PAPPA2: variants seen among roughly 807,000 people sequenced by gnomAD.
PAPPA2 encodes the protein pappalysin 2.
PAPPA2 carries 86 observed loss-of-function variants against 176.4 expected under a neutral mutation model. That is an observed-to-expected ratio of 0.49 (90% CI 0.41 to 0.58). PAPPA2 has a LOEUF of 0.58. PAPPA2 is among the 20% of genes least tolerant of loss of function. The probability of loss-of-function intolerance (pLI) is 0.00; values close to 1 mark genes in which losing one functional copy is unlikely to be tolerated. For missense variants in PAPPA2, 2,073 were observed against 2,256.9 expected (o/e 0.92, Z 1.65); for synonymous variants, 809 against 852.2 (o/e 0.95, Z 0.88).
chr1:176,630,306 T>C (rs1023682681), intron 3 of PAPPA2, among the ~76,000 whole-genome samples: 4 of 152,236 alleles, frequency 2.6e-5, no homozygotes, highest in Admixed American at 2.0e-4. Flanking sequence ...TGTTTACATA[T>C]ATTATGTACA....
At chr1:176,509,866 A>C (rs892874041) in intron 1 of PAPPA2, among the ~76,000 whole-genome samples, 5 of 149,356 alleles carry the variant, frequency 3.3e-5, no homozygotes, top group African/African-American at 9.9e-5. Context: ...AAACAAAAAA[A>C]AACAACAAAA....
In PAPPA2 at chr1:176,562,084, C is replaced by T. The variant is rs188744334; in HGVS notation, c.919+4843C>T. Among the ~76,000 whole-genome samples, 194 of 152,286 alleles carry T rather than the reference C, an allele frequency of 1.3e-3. 3 individuals are homozygous for T. Among genetic ancestry groups the T allele is most frequent in the East Asian group, 1.5e-3 (8 of 5,184 alleles). On this transcript the variant is annotated intron_variant, in intron 2 of 22. Transcript: ENST00000367662. ...CAACATGTGGGAATTATGGGAGCTA[C>T]GACTCGAGATGAGATTTGGGTGGGG...
At chr1:176,479,460 C>A (rs1652284789) in intron 1 of PAPPA2, among the ~76,000 whole-genome samples, 1 of 152,072 alleles carries the variant, frequency 6.6e-6, no homozygotes, top group Non-Finnish European at 1.5e-5. Flanking sequence ...GCTCACCAGG[C>A]TAGCAGGCAA....
At chr1:176,756,175 G>A (rs1321815567) in intron 14 of PAPPA2, among the ~76,000 whole-genome samples, 1 of 152,070 alleles carries the variant, frequency 6.6e-6, no homozygotes, top group African/African-American at 2.4e-5. Flanking sequence ...GGCTGGTCTC[G>A]AACTCCTGAC....
chr1:176,826,020 T>C (rs1454216925), intron 21 of PAPPA2, among the ~76,000 whole-genome samples: 1 of 152,202 alleles, frequency 6.6e-6, no homozygotes, highest in Non-Finnish European at 1.5e-5. Flanking sequence ...TTATTACCAT[T>C]GCTACCATCC....
chr1:176,497,250 T>C (rs376093969), intron 1 of PAPPA2, among the ~76,000 whole-genome samples: 2 of 152,204 alleles, frequency 1.3e-5, no homozygotes, highest in East Asian at 3.9e-4. Flanking sequence ...AGAGGCAATC[T>C]GTAGACCTTC....
chr1:176,722,564 CTCT>C (rs1661676618), intron 12 of PAPPA2, among the ~76,000 whole-genome samples: 1 of 151,744 alleles, frequency 6.6e-6, no homozygotes, highest in African/African-American at 2.4e-5. Flanking sequence ...CTGCTAAAAA[CTCT>C]TCTTAGTTTT....
At chr1:176,699,679 C>T in intron 8 of PAPPA2, 90 bp downstream of exon 8, 1 of 1,492,510 alleles carries the variant, frequency 6.7e-7, no homozygotes, top group South Asian at 1.4e-5. Flanking sequence ...TCAGCCATGC[C>T]CTTAGTCGGA....
At chr1:176,582,072 C>T (rs536579927) in intron 2 of PAPPA2, among the ~76,000 whole-genome samples, 66 of 151,538 alleles carry the variant, frequency 4.4e-4, no homozygotes, top group Non-Finnish European at 7.4e-4. Flanking sequence ...TACAGGTGCC[C>T]GCCACCACGC....
rs1660700149 is a variant in PAPPA2, at chr1:176,702,601, C to G, written c.3237-6C>G. The G allele has an allele frequency of 1.2e-6, 2 of 1,613,856 alleles. No homozygotes were observed. ...GTAGTGGTCACAAACCCTTTGGTTT[C>G]CACAGGGAGGTCACACCTGGACAGA... On this transcript the variant is annotated splice_polypyrimidine_tract_variant and splice_region_variant and intron_variant, in intron 8 of 22. Coordinates refer to ENST00000367662, the MANE Select transcript of PAPPA2 (RefSeq NM_020318.3).
At chr1:176,673,697 T>C (rs1421692794) in intron 4 of PAPPA2, among the ~76,000 whole-genome samples, 1 of 152,158 alleles carries the variant, frequency 6.6e-6, no homozygotes, top group Non-Finnish European at 1.5e-5. Context: ...ACTATAAAAA[T>C]GGATAAAATA....
chr1:176,501,153 C>G (rs1647939488), intron 1 of PAPPA2, among the ~76,000 whole-genome samples: 1 of 150,888 alleles, frequency 6.6e-6, no homozygotes, highest in Non-Finnish European at 1.5e-5. Flanking sequence ...ACTGGTAAGA[C>G]TGACTCCAGA....
chr1:176,494,502 T>A (rs984790417), intron 1 of PAPPA2, among the ~76,000 whole-genome samples: 1 of 152,216 alleles, frequency 6.6e-6, no homozygotes, highest in African/African-American at 2.4e-5. Context: ...CATTTGCAAC[T>A]TGCACCAGCA....
At chr1:176,824,605 A>G (rs903991964) in intron 21 of PAPPA2, among the ~76,000 whole-genome samples, 2 of 152,176 alleles carry the variant, frequency 1.3e-5, no homozygotes, top group Non-Finnish European at 2.9e-5. Context: ...CTTTGAACAA[A>G]CAGAGATGAA....
intron 17 of PAPPA2, among the ~76,000 whole-genome samples, chr1:176,776,277 T>C (rs1196905518): frequency 6.6e-6 from 1 of 152,216 alleles, no homozygotes; most frequent in African/African-American, 2.4e-5. Flanking sequence ...ATAATTAATT[T>C]AACTTCTAAA....
At chr1:176,539,058 C>G (rs1347698018) in intron 1 of PAPPA2, among the ~76,000 whole-genome samples, 2 of 152,144 alleles carry the variant, frequency 1.3e-5, no homozygotes, top group Non-Finnish European at 2.9e-5. Flanking sequence ...AACGGAGATT[C>G]AAGTTTAATA....
chr1:176,785,704 G>A (rs1306746476), intron 17 of PAPPA2, among the ~76,000 whole-genome samples: 1 of 152,038 alleles, frequency 6.6e-6, no homozygotes, highest in East Asian at 1.9e-4. Flanking sequence ...GGCCTGTCTC[G>A]TTGTCTGGGT....
intron 2 of PAPPA2, among the ~76,000 whole-genome samples, chr1:176,593,371 AG>A (rs779875041): frequency 1.3e-5 from 2 of 152,214 alleles, no homozygotes; most frequent in Non-Finnish European, 2.9e-5. Context: ...ATGTTTACCC[AG>A]GTATCTGATC....
intron 3 of PAPPA2, among the ~76,000 whole-genome samples, chr1:176,614,970 GA>G (rs901996585): frequency 3.3e-5 from 5 of 149,602 alleles, no homozygotes; most frequent in South Asian, 2.1e-4. Flanking sequence ...GGAAGAGAAG[GA>G]AAAAAAAATC....
Sources: allele counts gnomAD v4.1 joint callset (sites outside exome capture counted in the v4.1 genomes callset), GRCh38; gene constraint gnomAD v4.1.1; transcripts MANE v1.5; gene names NCBI Gene and HGNC (gene_info 2026-07-23, HGNC 2026-07-21).